Variants in ASNS observed in about 807,000 individuals in gnomAD.
ASNS encodes asparagine synthetase (glutamine-hydrolyzing).
ASNS carries 37 observed loss-of-function variants against 62.6 expected under a neutral mutation model. That is an observed-to-expected ratio of 0.59 (90% CI 0.45 to 0.78). ASNS has a LOEUF of 0.78. Ranked by LOEUF, ASNS falls within the 30% of genes least tolerant of loss-of-function variation. The probability of loss-of-function intolerance (pLI) is 0.00; values close to 1 mark genes in which losing one functional copy is unlikely to be tolerated. For missense variants in ASNS, 520 were observed against 682.4 expected (o/e 0.76, Z 2.65); for synonymous variants, 207 against 237.9 (o/e 0.87, Z 1.19).
the ASNS span, among the ~76,000 whole-genome samples, chr7:97,890,514 G>A: frequency 1.3e-5 from 2 of 152,060 alleles, no homozygotes; most frequent in African/African-American, 2.4e-5. Context: ...AGGAGAAAAG[G>A]GGATGTATAC....
At chr7:97,901,685 C>G in the ASNS span, among the ~76,000 whole-genome samples, 1 of 152,154 alleles carries the variant, frequency 6.6e-6, no homozygotes, top group Non-Finnish European at 1.5e-5. Flanking sequence ...CAACTCAAAC[C>G]TTATGTGTGG....
At chr7:97,907,628 G>T in the ASNS span, among the ~76,000 whole-genome samples, 1 of 152,082 alleles carries the variant, frequency 6.6e-6, no homozygotes, top group Non-Finnish European at 1.5e-5. Context: ...AGTTAGCCAG[G>T]CATGGAGGCG....
the ASNS span, among the ~76,000 whole-genome samples, chr7:97,915,147 A>T: frequency 1.3e-5 from 2 of 152,252 alleles, no homozygotes; most frequent in Non-Finnish European, 2.9e-5. Context: ...TATTTTATGC[A>T]ATACAGTAAG....
At chr7:97,886,836 G>A in the ASNS span, among the ~76,000 whole-genome samples, 19 of 152,048 alleles carry the variant, frequency 1.2e-4, no homozygotes, top group Admixed American at 1.0e-3. Flanking sequence ...CTTTAGAAGG[G>A]CAAAGTACCT....
the ASNS span, among the ~76,000 whole-genome samples, chr7:97,896,460 G>T: frequency 6.7e-6 from 1 of 149,050 alleles, no homozygotes; most frequent in East Asian, 2.0e-4. Context: ...CAGGCGTGGT[G>T]GTGGGCATCT....
chr7:97,858,233 GTCTAC>G, intron 7 of ASNS, 40 bp downstream of exon 7: 1 of 1,600,044 alleles, frequency 6.2e-7, no homozygotes, highest in Non-Finnish European at 8.5e-7. Flanking sequence ...CTAATAACAA[GTCTAC>G]TCTAACTACA....
chr7:97,854,764 G>T (rs534409834), intron 9 of ASNS, 84 bp from the exon 10 acceptor site: 5 of 1,589,446 alleles, frequency 3.1e-6, no homozygotes, highest in Non-Finnish European at 4.3e-6. Context: ...CCTAAAGGTG[G>T]ATAAGACAAA....
At chr7:97,859,466 A>G in intron 4 of ASNS, 68 bp from the exon 5 acceptor site, 1 of 1,464,966 alleles carries the variant, frequency 6.8e-7, no homozygotes, top group Non-Finnish European at 9.2e-7. Context: ...ACGATTAGTT[A>G]ACATCATCTA....
At chr7:97,881,438 C>T in the ASNS span, among the ~76,000 whole-genome samples, 2 of 151,794 alleles carry the variant, frequency 1.3e-5, no homozygotes, top group African/African-American at 2.4e-5. Flanking sequence ...CCTCCCCTTT[C>T]CCCCAGCTCC....
At chr7:97,856,220 C>G (rs1275559218) in intron 8 of ASNS, among the ~76,000 whole-genome samples, 1 of 152,212 alleles carries the variant, frequency 6.6e-6, no homozygotes, top group East Asian at 1.9e-4. Context: ...TTGGGGTATA[C>G]TTCCAATCTC....
At chr7:97,915,101 T>C in the ASNS span, among the ~76,000 whole-genome samples, 1 of 152,198 alleles carries the variant, frequency 6.6e-6, no homozygotes, top group Non-Finnish European at 1.5e-5. Flanking sequence ...CAAATATTGC[T>C]AAGGTCTTTA....
the ASNS span, among the ~76,000 whole-genome samples, chr7:97,900,380 A>AAC: frequency 2.1e-5 from 3 of 143,830 alleles, no homozygotes; most frequent in African/African-American, 4.9e-5. Flanking sequence ...AAAAAAAAAA[A>AAC]AAAACAGAAA....
the ASNS span, among the ~76,000 whole-genome samples, chr7:97,917,841 T>A: frequency 3.9e-5 from 6 of 152,244 alleles, no homozygotes; most frequent in Non-Finnish European, 7.3e-5. Flanking sequence ...CTACACGTGC[T>A]GACTGCGCAC....
At chr7:97,892,434 A>G in the ASNS span, among the ~76,000 whole-genome samples, 9 of 152,346 alleles carry the variant, frequency 5.9e-5, no homozygotes, top group Non-Finnish European at 1.2e-4. Flanking sequence ...TTCTGCAGCC[A>G]GATCGAATTT....
chr7:97,853,576 T>A (rs1436137901), intron 10 of ASNS, among the ~76,000 whole-genome samples, 190 bp from the exon 11 acceptor site: 1 of 152,196 alleles, frequency 6.6e-6, no homozygotes, highest in Non-Finnish European at 1.5e-5. Flanking sequence ...TCATTTAAAA[T>A]AATACATATA....
At chr7:97,920,608 GC>G in the ASNS span, among the ~76,000 whole-genome samples, 28 of 152,208 alleles carry the variant, frequency 1.8e-4, no homozygotes, top group Non-Finnish European at 4.4e-5. Context: ...GGGAAAGGCT[GC>G]CCCCAGAATA....
intron 1 of ASNS, 91 bp from the exon 2 acceptor site, chr7:97,869,904 T>C (rs1242501097): frequency 6.3e-6 from 1 of 158,594 alleles, no homozygotes; most frequent in Non-Finnish European, 1.4e-5. Context: ...AGATACAAAA[T>C]ATTCACTATC....
At chr7:97,913,379 GCCAGGCCCTCT>G in the ASNS span, among the ~76,000 whole-genome samples, 1 of 152,162 alleles carries the variant, frequency 6.6e-6, no homozygotes, top group Non-Finnish European at 1.5e-5. Flanking sequence ...CCAGGATTGG[GCCAGGCCCTCT>G]CCATGGCTTT....
At chr7:97,898,616 C>T in the ASNS span, 1 of 645,022 alleles carries the variant, frequency 1.6e-6, no homozygotes, top group Non-Finnish European at 2.8e-6. Flanking sequence ...TCATGATTCC[C>T]ATCATCTTCT....
Sources: gnomAD v4.1 joint callset for allele counts (sites outside exome capture counted in the v4.1 genomes callset) on GRCh38, gnomAD v4.1.1 for gene constraint, MANE v1.5 for transcripts, NCBI Gene and HGNC (gene_info 2026-07-23, HGNC 2026-07-21) for gene names.